Variants in CYRIB observed in about 807,000 individuals in gnomAD.
The protein encoded by CYRIB is CYFIP-related Rac1 interactor B.
In CYRIB, 8 loss-of-function variants were observed where a neutral mutation model predicts 44.2. The ratio of observed to expected loss-of-function variants is 0.18; its 90% confidence interval spans 0.11 to 0.33. The LOEUF is 0.33. CYRIB is among the 10% of genes least tolerant of loss of function. The pLI, the probability that CYRIB is intolerant of heterozygous loss-of-function variation, is 1.00. For synonymous variants in CYRIB, 131 were observed against 127.2 expected, an observed-to-expected ratio of 1.03 and a Z score of -0.20; for missense variants, 185 against 382.8, an observed-to-expected ratio of 0.48 and a Z score of 4.31.
chr8:129,845,170 A>G (rs1324901346), intron 11 of CYRIB, among the ~76,000 whole-genome samples: 1 of 152,116 alleles, frequency 6.6e-6, no homozygotes, highest in Non-Finnish European at 1.5e-5. Context: ...AAACTGAACT[A>G]CCCTTAAAGT....
intron 1 of CYRIB, among the ~76,000 whole-genome samples, chr8:129,918,962 TAA>T (rs2082145233): frequency 6.6e-6 from 1 of 152,220 alleles, no homozygotes; most frequent in Non-Finnish European, 1.5e-5. Flanking sequence ...AAAAATTAAA[TAA>T]AGAGACTTCA....
rs1263756703 is a variant in CYRIB, at chr8:129,876,348, C to T, written c.73+3041G>A. 4.6e-5 allele frequency among the ~76,000 whole-genome samples: 7 copies of T among 151,946 alleles called. No homozygotes were observed. The East Asian group carries it at 5.8e-4, about 13-fold the overall frequency. On this transcript the variant is annotated intron_variant, in intron 3 of 11. Transcript: ENST00000519824. Reference sequence around the variant, plus strand: ...TCATGCCGCTGCACTCCAGCCTGGGCGACAGAGACTGACCCTGTCTCAAAA... The same window carrying T: ...TCATGCCGCTGCACTCCAGCCTGGGTGACAGAGACTGACCCTGTCTCAAAA...
At chr8:129,988,744 A>G (rs922389661) in intron 1 of CYRIB, among the ~76,000 whole-genome samples, 11 of 152,094 alleles carry the variant, frequency 7.2e-5, no homozygotes, top group Admixed American at 6.5e-4. Context: ...GCTGAGTTCA[A>G]TATGTCCTTG....
At chr8:129,924,109 CAAAAA>C (rs3076956) in intron 1 of CYRIB, among the ~76,000 whole-genome samples, 4 of 115,906 alleles carry the variant, frequency 3.5e-5, no homozygotes, top group Non-Finnish European at 3.5e-5. Flanking sequence ...ATCTCCACCC[CAAAAA>C]AAAAAAAAAA....
intron 1 of CYRIB, among the ~76,000 whole-genome samples, chr8:129,991,245 G>A (rs1240537414): frequency 6.6e-6 from 1 of 151,694 alleles, no homozygotes; most frequent in African/African-American, 2.4e-5. Context: ...CCCTAACACA[G>A]TGCCTGCCTG....
At chr8:129,999,383 A>AC (rs894708934) in intron 1 of CYRIB, among the ~76,000 whole-genome samples, 1 of 151,964 alleles carries the variant, frequency 6.6e-6, no homozygotes, top group African/African-American at 2.4e-5. Context: ...AAGTGACATG[A>AC]CCCCCCAGGA....
At chr8:129,842,571 T>G (rs1463516515) in intron 11 of CYRIB, among the ~76,000 whole-genome samples, 1 of 152,222 alleles carries the variant, frequency 6.6e-6, no homozygotes, top group Non-Finnish European at 1.5e-5. Flanking sequence ...TTTTGTGGAC[T>G]GTGAGCTAAT....
intron 1 of CYRIB, among the ~76,000 whole-genome samples, chr8:129,903,929 T>C (rs562958074): frequency 6.6e-6 from 1 of 152,298 alleles, no homozygotes; most frequent in East Asian, 1.9e-4. Context: ...CATTCATTCA[T>C]TTCTGCAGAA....
intron 1 of CYRIB, among the ~76,000 whole-genome samples, chr8:129,991,327 C>A (rs897578797): frequency 6.6e-6 from 1 of 151,994 alleles, no homozygotes; most frequent in Non-Finnish European, 1.5e-5. Flanking sequence ...AAAACTCATA[C>A]TGAAACGTAA....
At chr8:129,866,096 G>C (rs543370003) in intron 4 of CYRIB, among the ~76,000 whole-genome samples, 127 of 152,282 alleles carry the variant, frequency 8.3e-4, no homozygotes, top group African/African-American at 2.8e-3. Flanking sequence ...GCCAGTATAA[G>C]TTCCTGGTTT....
At chr8:130,003,830 G>A (rs181811507) in intron 1 of CYRIB, among the ~76,000 whole-genome samples, 13 of 152,274 alleles carry the variant, frequency 8.5e-5, no homozygotes, top group African/African-American at 2.9e-4. Context: ...TTCTGAGACA[G>A]GTCCACTCAG....
intron 1 of CYRIB, among the ~76,000 whole-genome samples, chr8:129,930,545 T>A (rs193190068): frequency 6.6e-6 from 1 of 151,672 alleles, no homozygotes; most frequent in East Asian, 1.9e-4. Context: ...ACATTTAAAA[T>A]GTTAATAGAC....
chr8:129,966,127 T>C (rs2095469518), intron 2 of CYRIB, among the ~76,000 whole-genome samples: 1 of 152,200 alleles, frequency 6.6e-6, no homozygotes. Context: ...AAAGTGCTGA[T>C]TATAGGCATG....
intron 2 of CYRIB, among the ~76,000 whole-genome samples, chr8:129,895,434 T>TTTTTTTTTTTTTTTTTTTTTTTTTTGAGA (rs1554770001): frequency 1.3e-5 from 2 of 150,818 alleles, no homozygotes; most frequent in African/African-American, 2.4e-5. Context: ...TCATTTTTCT[T>TTTTTTTTTTTTTTTTTTTTTTTTTTGAGA]CATGGTCTGT....
At chr8:129,959,502 T>C (rs906255439) in intron 2 of CYRIB, among the ~76,000 whole-genome samples, 4 of 152,082 alleles carry the variant, frequency 2.6e-5, no homozygotes, top group Non-Finnish European at 4.4e-5. Context: ...TGGTCCAGTG[T>C]GATGACTCAC....
chr8:129,957,964 C>CAAAAAAA (rs371857313), intron 2 of CYRIB, among the ~76,000 whole-genome samples: 1 of 103,772 alleles, frequency 9.6e-6, no homozygotes, highest in Non-Finnish European at 2.0e-5. Flanking sequence ...GACTCCATCT[C>CAAAAAAA]AAAAAAAAAA....
intron 5 of CYRIB, among the ~76,000 whole-genome samples, chr8:129,857,383 T>G (rs2046764246): frequency 6.6e-6 from 1 of 152,174 alleles, no homozygotes; most frequent in Non-Finnish European, 1.5e-5. Context: ...GAACATGAGT[T>G]TGCAGACAGA....
At chr8:129,901,095 A>G (rs2135648929) in intron 2 of CYRIB, among the ~76,000 whole-genome samples, 1 of 152,352 alleles carries the variant, frequency 6.6e-6, no homozygotes, top group South Asian at 2.1e-4. Context: ...CTGGGACTAC[A>G]GGCACACGCC....
intron 2 of CYRIB, among the ~76,000 whole-genome samples, chr8:129,881,940 T>C (rs1243540000): frequency 6.6e-6 from 1 of 152,126 alleles, no homozygotes; most frequent in Non-Finnish European, 1.5e-5. Context: ...TTATCTCAAA[T>C]TGGTTACTAA....
Sources: allele counts gnomAD v4.1 joint callset (sites outside exome capture counted in the v4.1 genomes callset), GRCh38; gene constraint gnomAD v4.1.1; transcripts MANE v1.5; gene names NCBI Gene and HGNC (gene_info 2026-07-23, HGNC 2026-07-21).